PDXDC1: variants seen among roughly 807,000 people sequenced by gnomAD.
The protein encoded by PDXDC1 is pyridoxal-dependent decarboxylase domain-containing protein 1.
A neutral mutation model predicts 100.1 loss-of-function variants in PDXDC1; 42 were observed. That is an observed-to-expected ratio of 0.42 (90% CI 0.33 to 0.54). The LOEUF (loss-of-function observed/expected upper bound fraction) is 0.54. Ranked by LOEUF, PDXDC1 falls within the 20% of genes least tolerant of loss-of-function variation. The pLI, the probability that PDXDC1 is intolerant of heterozygous loss-of-function variation, is 0.10. For synonymous variants in PDXDC1, 260 were observed against 371.7 expected, an observed-to-expected ratio of 0.70 and a Z score of 3.46; for missense variants, 636 against 979.2, an observed-to-expected ratio of 0.65 and a Z score of 4.68.
intron 13 of PDXDC1, among the ~76,000 whole-genome samples, chr16:15,023,382 A>T (rs529112745): frequency 6.6e-6 from 1 of 152,408 alleles, no homozygotes; most frequent in Non-Finnish European, 1.5e-5. Flanking sequence ...TCTGATTTAA[A>T]TAGGTTCATT....
At chr16:15,081,256 G>A (rs1597961657) in intron 16 of PDXDC1, among the ~76,000 whole-genome samples, 2 of 152,146 alleles carry the variant, frequency 1.3e-5, no homozygotes, top group South Asian at 2.1e-4. Flanking sequence ...GCTGAGTCAC[G>A]TGTTAATTCT....
chr16:15,150,338 C>A, the PDXDC1 span, among the ~76,000 whole-genome samples: 1 of 145,460 alleles, frequency 6.9e-6, no homozygotes, highest in Non-Finnish European at 1.5e-5. Context: ...GAGACTCCAT[C>A]TCAAATAACA....
chr16:15,142,845 C>G (rs1484419250), downstream of PDXDC1, among the ~76,000 whole-genome samples: 1 of 151,942 alleles, frequency 6.6e-6, no homozygotes, highest in Non-Finnish European at 1.5e-5. Context: ...ATGGGGGACA[C>G]AGCAGGGCCC....
intron 16 of PDXDC1, among the ~76,000 whole-genome samples, chr16:15,097,468 C>CAAAAAAAAAAAAAAA (rs71152407): frequency 3.0e-5 from 2 of 65,846 alleles, no homozygotes; most frequent in African/African-American, 6.5e-5. Flanking sequence ...ACTAAAAATA[C>CAAAAAAAAAAAAAAA]AAAAAAAAAA....
At chr16:15,052,031 C>T (rs1439879853) in intron 16 of PDXDC1, among the ~76,000 whole-genome samples, 1 of 152,018 alleles carries the variant, frequency 6.6e-6, no homozygotes, top group Admixed American at 6.6e-5. Flanking sequence ...AAAGCTTTTC[C>T]CTCAGTCCCT....
At chr16:15,062,108 G>C (rs1483473242) in intron 16 of PDXDC1, among the ~76,000 whole-genome samples, 1 of 152,200 alleles carries the variant, frequency 6.6e-6, no homozygotes, top group East Asian at 1.9e-4. Context: ...GAGCTCAAGA[G>C]TTCCGAATCC....
downstream of PDXDC1, among the ~76,000 whole-genome samples, chr16:15,041,445 G>C (rs2043812113): frequency 6.6e-6 from 1 of 152,122 alleles, no homozygotes; most frequent in Non-Finnish European, 1.5e-5. Flanking sequence ...CTGAGGCTCG[G>C]CAGATGGTGG....
chr16:15,141,933 A>G (rs1348277112), downstream of PDXDC1, among the ~76,000 whole-genome samples: 1 of 152,124 alleles, frequency 6.6e-6, no homozygotes, highest in Non-Finnish European at 1.5e-5. Context: ...AGCAGAACCA[A>G]TGCTTTAGGG....
chr16:15,128,812 T>TTTTC (rs1464023796), intron 16 of PDXDC1, among the ~76,000 whole-genome samples: 14 of 151,196 alleles, frequency 9.3e-5, no homozygotes, highest in African/African-American at 3.4e-4. Context: ...ACAGTATTTT[T>TTTTC]TTTTTTTTTT....
In PDXDC1 at chr16:15,037,950, A is replaced by G; in HGVS notation, c.*1675A>G. The stretch of plus-strand genomic sequence containing the variant: ...AGGAGGCCTAAGACCCAACAGATGT[A>G]GGATCCAGATCTGGATTCGTGCCAG... On this transcript the variant is annotated 3_prime_UTR_variant, in exon 23 of 23. Coordinates refer to ENST00000396410, the MANE Select transcript of PDXDC1 (RefSeq NM_015027.4). 1.0e-6 allele frequency: 1 copy of G among 974,604 alleles called. No individual in the cohort carries two copies. Among genetic ancestry groups the G allele is most frequent in the Non-Finnish European group, 1.6e-6 (1 of 632,806 alleles). 60.4% of individuals were successfully genotyped at this position (974,604 alleles called of 1,614,324 possible).
chr16:15,065,411 T>C, intron 16 of PDXDC1: 1 of 1,589,962 alleles, frequency 6.3e-7, no homozygotes, highest in Middle Eastern at 1.7e-4. Context: ...GGCATTAACA[T>C]GCTGGAGTGA....
downstream of PDXDC1, among the ~76,000 whole-genome samples, chr16:15,142,465 G>C (rs1184138045): frequency 6.6e-6 from 1 of 152,018 alleles, no homozygotes; most frequent in Non-Finnish European, 1.5e-5. Context: ...CAGGGCAGTG[G>C]AATGAAGCTG....
At chr16:15,092,248 C>A (rs2966176) in intron 16 of PDXDC1, among the ~76,000 whole-genome samples, 11 of 151,998 alleles carry the variant, frequency 7.2e-5, no homozygotes, top group Admixed American at 6.6e-4. Context: ...AAAGATGCTT[C>A]GTAAATAAAG....
chr16:15,088,172 T>A (rs1469144019), intron 16 of PDXDC1, among the ~76,000 whole-genome samples: 1 of 151,564 alleles, frequency 6.6e-6, no homozygotes, highest in Non-Finnish European at 1.5e-5. Flanking sequence ...AGTACTGAAC[T>A]ATTATTATTT....
At chr16:15,014,112 C>T (rs1265924095) in intron 8 of PDXDC1, among the ~76,000 whole-genome samples, 10 of 151,660 alleles carry the variant, frequency 6.6e-5, no homozygotes, top group African/African-American at 2.4e-4. Flanking sequence ...GAGGCCGAGG[C>T]AGGAGAATAG....
At position 15,034,309 on chromosome 16, in the gene PDXDC1, G is replaced by C. The variant is rs779272355; in HGVS notation, c.1836G>C (p.Val612=). The C allele has an allele frequency of 9.3e-6, 15 of 1,613,246 alleles. No homozygotes were observed. Among genetic ancestry groups the C allele is most frequent in the Non-Finnish European group, 1.3e-5 (15 of 1,179,894 alleles). ...NSRLLENMTE[V]VRKGIQEAQV... The stretch of plus-strand genomic sequence containing the variant: ...AGCTTCTGGAAAACATGACAGAAGT[G>C]GTTCGGAAAGGCATTCAGGAAGCTC... Residue 612 remains valine (V), a synonymous_variant, in exon 20 of 23, where the codon GTG becomes GTC. Coordinates refer to ENST00000396410, the MANE Select transcript of PDXDC1 (RefSeq NM_015027.4).
At chr16:15,097,566 C>G (rs539454367) in intron 16 of PDXDC1, among the ~76,000 whole-genome samples, 1 of 150,334 alleles carries the variant, frequency 6.7e-6, no homozygotes. Context: ...GGCATGAACC[C>G]GAGAGGTGGA....
chr16:15,048,564 C>T (rs147429551), intron 16 of PDXDC1, among the ~76,000 whole-genome samples: 24 of 152,046 alleles, frequency 1.6e-4, no homozygotes, highest in African/African-American at 5.8e-4. Flanking sequence ...AACAATTTTA[C>T]CATTGTAAAG....
chr16:14,984,371 A>T (rs1597281918), intron 1 of PDXDC1, among the ~76,000 whole-genome samples: 1 of 127,754 alleles, frequency 7.8e-6, no homozygotes, highest in African/African-American at 3.0e-5. Context: ...ATGTCTCTAA[A>T]TTCTGGGATT....
Sources: allele counts gnomAD v4.1 joint callset (sites outside exome capture counted in the v4.1 genomes callset), GRCh38; gene constraint gnomAD v4.1.1; transcripts MANE v1.5; gene names NCBI Gene and HGNC (gene_info 2026-07-23, HGNC 2026-07-21).